The following LRMDA variants were observed in gnomAD, a reference collection of about 807,000 sequenced individuals.
LRMDA encodes the protein leucine-rich melanocyte differentiation-associated protein.
Under a neutral mutation model 29.8 loss-of-function variants are expected in LRMDA, and 18 were observed. The observed-to-expected ratio is 0.60, with a 90% confidence interval of 0.42 to 0.90. LRMDA has a LOEUF of 0.90. LRMDA is among the 40% of genes least tolerant of loss of function. The pLI is 0.00. For missense variants in LRMDA, 273 were observed against 273.9 expected (o/e 1.00, Z 0.02); for synonymous variants, 125 against 109.4 (o/e 1.14, Z -0.89).
chr10:76,493,783 A>C (rs1042733815), intron 6 of LRMDA, among the ~76,000 whole-genome samples: 1 of 152,112 alleles, frequency 6.6e-6, no homozygotes, highest in African/African-American at 2.4e-5. Context: ...AAATCCTGCT[A>C]GAATTTTGAT....
chr10:76,536,807 A>G (rs1225388075), intron 6 of LRMDA, among the ~76,000 whole-genome samples: 1 of 152,134 alleles, frequency 6.6e-6, no homozygotes. Flanking sequence ...GTTCCCCTTT[A>G]TAATTAATAA....
intron 5 of LRMDA, among the ~76,000 whole-genome samples, chr10:76,287,791 G>A (rs1200532841): frequency 6.6e-6 from 1 of 152,124 alleles, no homozygotes; most frequent in African/African-American, 2.4e-5. Context: ...AAACAAACAA[G>A]TCTCCTCTGG....
chr10:75,558,702 C>T lies in LRMDA; in HGVS notation c.131+120208C>T, dbSNP rs545297790. ...CCCACTCCCCCCACCCCACAACAGT[C>T]CCCAGAGTGTGATGTTCCCCTTCCT... On this transcript the variant is annotated intron_variant, in intron 2 of 6. Coordinates refer to ENST00000611255, the MANE Select transcript of LRMDA (RefSeq NM_001305581.2). Among the ~76,000 whole-genome samples the T allele has an allele frequency of 4.6e-3, 680 of 148,958 alleles. 4 individuals are homozygous for T. The highest frequency in any genetic ancestry group is 7.1e-3 in the Non-Finnish European group (477 of 67,292).
At chr10:76,020,571 G>A (rs1865632) in intron 2 of LRMDA, among the ~76,000 whole-genome samples, 14,878 of 152,010 alleles carry the variant, frequency 0.098, 1,099 homozygotes, top group East Asian at 0.24. Flanking sequence ...TCACTCTAAG[G>A]TGAGGACATC....
intron 5 of LRMDA, among the ~76,000 whole-genome samples, chr10:76,118,608 G>A (rs1849706164): frequency 6.6e-6 from 1 of 152,166 alleles, no homozygotes; most frequent in Admixed American, 6.5e-5. Flanking sequence ...TAAGAAAAAT[G>A]TAGAGTGCAG....
chr10:75,845,551 C>T (rs937985031), intron 2 of LRMDA, among the ~76,000 whole-genome samples: 2 of 152,232 alleles, frequency 1.3e-5, no homozygotes, highest in Admixed American at 1.3e-4. Flanking sequence ...GTCATCACGA[C>T]GATGAGGCCA....
chr10:76,260,716 G>A (rs1269863952), intron 5 of LRMDA: 1 of 152,052 alleles, frequency 6.6e-6, no homozygotes, highest in African/African-American at 2.4e-5. Context: ...TCCTGGATCT[G>A]GATGTCTATC....
At chr10:75,701,431 A>G (rs1051990042) in intron 2 of LRMDA, among the ~76,000 whole-genome samples, 6 of 152,198 alleles carry the variant, frequency 3.9e-5, no homozygotes, top group African/African-American at 1.4e-4. Flanking sequence ...CAATAGCTTC[A>G]GTCTCCTTTC....
At chr10:76,055,449 C>T (rs1848598466) in intron 4 of LRMDA, among the ~76,000 whole-genome samples, 1 of 152,230 alleles carries the variant, frequency 6.6e-6, no homozygotes, top group East Asian at 1.9e-4. Flanking sequence ...GTGATAATGT[C>T]ACCGAATCCT....
intron 2 of LRMDA, among the ~76,000 whole-genome samples, chr10:76,022,492 A>G (rs540837898): frequency 8.5e-5 from 13 of 152,342 alleles, no homozygotes; most frequent in Admixed American, 7.2e-4. Context: ...GATCTTGTCA[A>G]TTGAGTGAAG....
chr10:75,582,457 C>T (rs1354472470), intron 2 of LRMDA, among the ~76,000 whole-genome samples: 1 of 152,146 alleles, frequency 6.6e-6, no homozygotes, highest in Non-Finnish European at 1.5e-5. Flanking sequence ...TCCCTGGGCC[C>T]TTTTTAGCCA....
At chr10:76,435,519 G>A (rs933835354) in intron 6 of LRMDA, among the ~76,000 whole-genome samples, 9 of 152,196 alleles carry the variant, frequency 5.9e-5, no homozygotes, top group Non-Finnish European at 1.0e-4. Flanking sequence ...TATAAGTCAA[G>A]CACTTTGTCT....
intron 2 of LRMDA, among the ~76,000 whole-genome samples, chr10:75,816,143 A>C (rs1247659058): frequency 2.6e-5 from 4 of 152,140 alleles, no homozygotes; most frequent in Non-Finnish European, 5.9e-5. Context: ...TCATTTTTCC[A>C]TTATGGTTTC....
At chr10:75,518,916 T>C (rs1266900443) in intron 2 of LRMDA, among the ~76,000 whole-genome samples, 2 of 152,240 alleles carry the variant, frequency 1.3e-5, no homozygotes, top group African/African-American at 2.4e-5. Context: ...TTTGTTCTCA[T>C]TGGTTTCAAA....
At chr10:76,303,157 T>A (rs555402115) in intron 5 of LRMDA, among the ~76,000 whole-genome samples, 2 of 152,038 alleles carry the variant, frequency 1.3e-5, no homozygotes, top group South Asian at 2.1e-4. Flanking sequence ...TAGCACATTG[T>A]CTACTTGTCC....
At chr10:75,959,273 C>T (rs1846719782) in intron 2 of LRMDA, among the ~76,000 whole-genome samples, 1 of 152,180 alleles carries the variant, frequency 6.6e-6, no homozygotes, top group Non-Finnish European at 1.5e-5. Context: ...AGCAAGCCTG[C>T]TGCAACATTG....
intron 2 of LRMDA, among the ~76,000 whole-genome samples, chr10:75,920,937 A>G (rs917971213): frequency 1.3e-5 from 2 of 152,158 alleles, no homozygotes; most frequent in African/African-American, 4.8e-5. Flanking sequence ...GTAATTTCCT[A>G]GAGAGAGGAG....
intron 6 of LRMDA, among the ~76,000 whole-genome samples, chr10:76,426,450 T>C (rs1232955384): frequency 6.6e-6 from 1 of 152,198 alleles, no homozygotes; most frequent in Non-Finnish European, 1.5e-5. Flanking sequence ...GATGGAGTTG[T>C]TTGTTTTTTT....
intron 6 of LRMDA, among the ~76,000 whole-genome samples, chr10:76,542,782 C>T (rs1452119177): frequency 1.3e-5 from 2 of 152,142 alleles, no homozygotes; most frequent in Admixed American, 6.5e-5. Context: ...TATGTCTTCC[C>T]TTGACATATT....
Sources: gnomAD v4.1 joint callset for allele counts (sites outside exome capture counted in the v4.1 genomes callset) on GRCh38, gnomAD v4.1.1 for gene constraint, MANE v1.5 for transcripts, NCBI Gene and HGNC (gene_info 2026-07-23, HGNC 2026-07-21) for gene names.